SV2B: variants seen among roughly 807,000 people sequenced by gnomAD.
SV2B encodes synaptic vesicle glycoprotein 2B.
SV2B carries 41 observed loss-of-function variants against 73.9 expected under a neutral mutation model. The observed-to-expected ratio is 0.56, with a 90% CI of 0.43 to 0.72. The LOEUF (loss-of-function observed/expected upper bound fraction) is 0.72. Ranked by LOEUF, SV2B falls within the 30% of genes least tolerant of loss-of-function variation. The probability of loss-of-function intolerance (pLI) is 0.00; values close to 1 mark genes in which losing one functional copy is unlikely to be tolerated. For synonymous variants in SV2B, 314 were observed against 314.2 expected (o/e 1.00, Z 0.01); for missense variants, 764 against 857.8 (o/e 0.89, Z 1.37).
chr15:91,127,263 A>G (rs1484123766), intron 1 of SV2B, among the ~76,000 whole-genome samples: 1 of 152,162 alleles, frequency 6.6e-6, no homozygotes, highest in Non-Finnish European at 1.5e-5. Context: ...TCTCAGAGAA[A>G]AGAGAAGGGT....
At chr15:91,176,496 C>A (rs2141296349) in intron 1 of SV2B, among the ~76,000 whole-genome samples, 1 of 152,268 alleles carries the variant, frequency 6.6e-6, no homozygotes, top group South Asian at 2.1e-4. Context: ...AACTAGTTTA[C>A]AGTCCCACCA....
At chr15:91,127,088 T>G (rs1458252982) in intron 1 of SV2B, among the ~76,000 whole-genome samples, 1 of 152,246 alleles carries the variant, frequency 6.6e-6, no homozygotes, top group African/African-American at 2.4e-5. Context: ...TCTCTAAGCT[T>G]GCCTTAGTTT....
At chr15:91,166,457 A>G (rs1438291755) in intron 1 of SV2B, among the ~76,000 whole-genome samples, 1 of 152,098 alleles carries the variant, frequency 6.6e-6, no homozygotes, top group African/African-American at 2.4e-5. Context: ...GAGTTTCACT[A>G]AACTTCTTGA....
Position 91,292,647 on chromosome 15 carries a change from G to A in SV2B, c.*95G>A. ...CCTATCACGGTCCGGAGGACACCTT[G>A]GATAGCACGGGAGGAGAAGTTGACT... On this transcript the variant is annotated 3_prime_UTR_variant, in exon 13 of 13. Coordinates refer to ENST00000394232, the MANE Select transcript of SV2B (RefSeq NM_001323032.3). The A allele has an allele frequency of 1.4e-6, 2 of 1,421,074 alleles. No homozygotes were observed. The highest frequency in any genetic ancestry group is 4.9e-5 in the Admixed American group (2 of 41,108). 88.0% of individuals were successfully genotyped at this position (1,421,074 alleles called of 1,614,324 possible). A position where few individuals can be genotyped will look rare whatever the true frequency, so the allele number is the denominator to read the frequency against.
intron 5 of SV2B, among the ~76,000 whole-genome samples, chr15:91,259,117 A>C (rs1011694554): frequency 9.9e-5 from 15 of 151,568 alleles, no homozygotes; most frequent in Admixed American, 3.3e-4. Flanking sequence ...AATATAAATA[A>C]ATAAATAAAT....
chr15:91,271,963 A>C (rs930995656), intron 9 of SV2B, among the ~76,000 whole-genome samples: 1 of 152,194 alleles, frequency 6.6e-6, no homozygotes. Flanking sequence ...ATGGTGGAAA[A>C]TTATTTTTTG....
chr15:91,189,618 C>T (rs2044922452), intron 1 of SV2B, among the ~76,000 whole-genome samples: 1 of 152,192 alleles, frequency 6.6e-6, no homozygotes, highest in South Asian at 2.1e-4. Flanking sequence ...GTAAGTCTTT[C>T]CATATGTTCA....
intron 9 of SV2B, among the ~76,000 whole-genome samples, chr15:91,276,267 G>A (rs1485502749): frequency 1.3e-5 from 2 of 151,676 alleles, no homozygotes; most frequent in Non-Finnish European, 2.9e-5. Context: ...GTGCTTAGGT[G>A]TACCGCCACC....
rs1290226745 is a variant in SV2B, at chr15:91,118,395, C to A, written c.-392+18032C>A. On this transcript the variant is annotated intron_variant, in intron 1 of 12. Coordinates refer to ENST00000394232, the MANE Select transcript of SV2B (RefSeq NM_001323032.3). This position sits in a 1 kb window ranked among gnomAD's most constrained non-coding sequence, Gnocchi z 4.7. Reference sequence around the variant, plus strand: ...GATTTAATGGAGTAGCCCATGCCAGCAAGAAAGATGGGTGGTAGTACAGTG... The same window carrying A: ...GATTTAATGGAGTAGCCCATGCCAGAAAGAAAGATGGGTGGTAGTACAGTG... Among the ~76,000 whole-genome samples the A allele has an allele frequency of 6.6e-6, 1 of 152,142 alleles. No homozygotes were observed. Among genetic ancestry groups the A allele is most frequent in the African/African-American group, 2.4e-5 (1 of 41,418 alleles).
chr15:91,213,551 T>G (rs2045933291), intron 1 of SV2B, among the ~76,000 whole-genome samples: 1 of 151,868 alleles, frequency 6.6e-6, no homozygotes, highest in African/African-American at 2.4e-5. Context: ...TCTCTCCACC[T>G]CGAAGGCAGC....
intron 1 of SV2B, among the ~76,000 whole-genome samples, chr15:91,187,044 C>T (rs572787549): frequency 9.2e-5 from 14 of 152,304 alleles, no homozygotes; most frequent in African/African-American, 3.4e-4. Context: ...CCATTCTTAT[C>T]ATCAATGCAG....
Position 91,300,663 on chromosome 15 carries a change from G to A in SV2B, c.*8111G>A, listed in dbSNP as rs1268612183. ...CTGTTCTTCCCTGAAAGTCAGGCCAGTGGTCTCGAATCATTCCCACAGCAA... is the reference window on the plus strand; with the variant it reads ...CTGTTCTTCCCTGAAAGTCAGGCCAATGGTCTCGAATCATTCCCACAGCAA... On this transcript the variant is annotated 3_prime_UTR_variant, in exon 13 of 13. Coordinates refer to ENST00000394232, the MANE Select transcript of SV2B (RefSeq NM_001323032.3). 3.3e-5 allele frequency: 5 copies of A among 152,212 alleles called. No homozygotes were observed. The highest frequency in any genetic ancestry group is 7.3e-5 in the Non-Finnish European group (5 of 68,064). 9.4% of individuals were successfully genotyped at this position (152,212 alleles called of 1,614,324 possible).
At chr15:91,176,541 C>A (rs2044316091) in intron 1 of SV2B, among the ~76,000 whole-genome samples, 1 of 152,218 alleles carries the variant, frequency 6.6e-6, no homozygotes, top group African/African-American at 2.4e-5. Context: ...TCCACATCCT[C>A]TCCAGTCCCT....
chr15:91,289,758 A>C lies in SV2B; in HGVS notation c.1868+78A>C. ...GAAGTCTACCTGCTCCCTAAATCTC[A>C]TGCTGTGCATGGCCATCGTGGTCTT... On this transcript the variant is annotated intron_variant, in intron 12 of 12. Coordinates refer to ENST00000394232, the MANE Select transcript of SV2B (RefSeq NM_001323032.3). The surrounding 1 kb of genome is among the most constrained non-coding windows in gnomAD (Gnocchi z 4.9). 1.5e-3 allele frequency: 2,172 copies of C among 1,442,084 alleles called. No homozygotes were observed. The highest frequency in any genetic ancestry group is 1.9e-3 in the Non-Finnish European group (1,977 of 1,059,868). 89.3% of individuals were successfully genotyped at this position (1,442,084 alleles called of 1,614,324 possible). A position where few individuals can be genotyped will look rare whatever the true frequency, so the allele number is the denominator to read the frequency against.
intron 6 of SV2B, 47 bp downstream of exon 6, chr15:91,260,456 C>G: frequency 6.9e-7 from 1 of 1,451,336 alleles, no homozygotes; most frequent in Non-Finnish European, 9.4e-7. Context: ...CTCCTCTTCA[C>G]TGCTTTGATT....
At chr15:91,271,569 G>A (rs2048317992) in intron 9 of SV2B, among the ~76,000 whole-genome samples, 1 of 152,036 alleles carries the variant, frequency 6.6e-6, no homozygotes, top group Non-Finnish European at 1.5e-5. Context: ...TCATCATATG[G>A]TACATGTTTT....
Position 91,280,765 on chromosome 15 carries a change from AATACAT to A in SV2B, c.1374-961_1374-956del, listed in dbSNP as rs972404761. Among the ~76,000 whole-genome samples the A allele has an allele frequency of 6.6e-6, 1 of 152,244 alleles. No individual in the cohort carries two copies. The highest frequency in any genetic ancestry group is 6.5e-5 in the Admixed American group (1 of 15,286). On this transcript the variant is annotated intron_variant, in intron 9 of 12. Transcript: ENST00000394232. The surrounding 1 kb of genome is among the most constrained non-coding windows in gnomAD (Gnocchi z 5.8). ...GAGTTTTAAAAAAAAGTGAACACAT[AATACAT>A]ACGCTTGGCATAAAGTGAAAATTAA...
chr15:91,205,658 G>A (rs1340526778), intron 1 of SV2B, among the ~76,000 whole-genome samples: 8 of 152,082 alleles, frequency 5.3e-5, no homozygotes, highest in East Asian at 1.9e-4. Flanking sequence ...GAGCCACCAC[G>A]CCCTGCCCAG....
rs370290337 is a variant in SV2B, at chr15:91,221,693, G to GCGCGCGCGCA, written c.-391-4179_-391-4178insGCGCGCGCAC. On this transcript the variant is annotated intron_variant, in intron 1 of 12. Coordinates refer to ENST00000394232, the MANE Select transcript of SV2B (RefSeq NM_001323032.3). ...CTGTGGACTATTACCAAGCATGTGC[G>GCGCGCGCGCA]CACACACACACACACACACACACAC... 6.9e-3 allele frequency among the ~76,000 whole-genome samples: 969 copies of GCGCGCGCGCA among 140,130 alleles called. 7 individuals carry two copies. Among genetic ancestry groups the GCGCGCGCGCA allele is most frequent in the African/African-American group, 0.022 (794 of 35,792 alleles). The allele number at this position is 140,130 out of a possible 152,430, so 91.9% of individuals were successfully genotyped here.
Sources: gnomAD v4.1 joint callset for allele counts (sites outside exome capture counted in the v4.1 genomes callset) on GRCh38, gnomAD v4.1.1 for gene constraint, Gnocchi (gnomAD v3.1) non-coding constraint, MANE v1.5 for transcripts, NCBI Gene and HGNC (gene_info 2026-07-23, HGNC 2026-07-21) for gene names.